USP39: variants seen among roughly 807,000 people sequenced by gnomAD.
USP39 encodes ubiquitin specific peptidase 39.
USP39 carries 38 observed loss-of-function variants against 66.4 expected under a neutral mutation model. The ratio of observed to expected loss-of-function variants is 0.57; its 90% CI spans 0.44 to 0.75. The LOEUF is 0.75. USP39 is among the 30% of genes least tolerant of loss of function. USP39 has a pLI of 0.00. For missense variants in USP39, 608 were observed against 714.4 expected (o/e 0.85, Z 1.70); for synonymous variants, 303 against 274.6 (o/e 1.10, Z -1.02).
chr2:85,633,818 C>T (rs1355325886), intron 6 of USP39, among the ~76,000 whole-genome samples: 3 of 144,792 alleles, frequency 2.1e-5, no homozygotes, highest in Non-Finnish European at 4.5e-5. Flanking sequence ...TTAGAGGGGA[C>T]GTCGAGTAGT....
chr2:85,629,127 G>C (rs546604559), intron 5 of USP39, among the ~76,000 whole-genome samples: 1 of 151,842 alleles, frequency 6.6e-6, no homozygotes, highest in African/African-American at 2.4e-5. Context: ...GCAATGGCGC[G>C]ATCTTGGCTC....
intron 5 of USP39, among the ~76,000 whole-genome samples, chr2:85,627,672 G>A (rs905313845): frequency 1.3e-5 from 2 of 151,928 alleles, no homozygotes; most frequent in Admixed American, 1.3e-4. Context: ...GTGCATGCAT[G>A]CCTGTGGTCC....
intron 6 of USP39, among the ~76,000 whole-genome samples, chr2:85,631,216 T>A (rs866805099): frequency 1.3e-5 from 2 of 152,050 alleles, no homozygotes; most frequent in South Asian, 4.1e-4. Flanking sequence ...GGTTTCACTA[T>A]GTTGGCCAGG....
At chr2:85,606,169 T>G (rs982931329) in intron 1 of USP39, among the ~76,000 whole-genome samples, 1 of 152,296 alleles carries the variant, frequency 6.6e-6, no homozygotes. Context: ...AGATTGTGTG[T>G]GTGTGCGCGT....
At chr2:85,605,783 C>T (rs896282211) in intron 1 of USP39, among the ~76,000 whole-genome samples, 2 of 152,190 alleles carry the variant, frequency 1.3e-5, no homozygotes, top group African/African-American at 4.8e-5. Flanking sequence ...GGGGTTCCTC[C>T]CACCTGGATG....
At chr2:85,631,438 T>C (rs1227107110) in intron 6 of USP39, among the ~76,000 whole-genome samples, 1 of 150,552 alleles carries the variant, frequency 6.6e-6, no homozygotes, top group Non-Finnish European at 1.5e-5. Context: ...TGCCTCAGCT[T>C]CAAGTAGCTA....
chr2:85,609,618 G>A (rs755385923), upstream of USP39: 3 of 1,610,330 alleles, frequency 1.9e-6, no homozygotes, highest in African/African-American at 1.3e-5. Flanking sequence ...AGAAAGAAGA[G>A]GGGGGGTGCT....
In USP39 at chr2:85,633,872, C is replaced by G. The variant is rs62166776; in HGVS notation, c.950-2181C>G. The stretch of plus-strand genomic sequence containing the variant: ...TTTTTTTTTGAGACAGAGTCTCGCT[C>G]TGTTGCCCAGGCTGGAGTGCAGTGG... On this transcript the variant is annotated intron_variant, in intron 6 of 12. Transcript: ENST00000323701. Among the ~76,000 whole-genome samples the G allele has an allele frequency of 2.6e-5, 3 of 116,454 alleles. No homozygotes were observed. In the East Asian group the frequency reaches 8.4e-4, roughly 32 times the overall value. 76.4% of individuals were successfully genotyped at this position (116,454 alleles called of 152,430 possible). A position where few individuals can be genotyped will look rare whatever the true frequency, so the allele number is the denominator to read the frequency against.
At chr2:85,618,820 A>C (rs1674215931) in intron 1 of USP39, among the ~76,000 whole-genome samples, 1 of 150,612 alleles carries the variant, frequency 6.6e-6, no homozygotes, top group African/African-American at 2.4e-5. Context: ...CCCAGGCTGG[A>C]GTGCAGCGGT....
chr2:85,614,046 AGT>A (rs1474725185), upstream of USP39, among the ~76,000 whole-genome samples: 1 of 151,910 alleles, frequency 6.6e-6, no homozygotes, highest in African/African-American at 2.4e-5. Flanking sequence ...TGGGATTATA[AGT>A]GTGAGCCACC....
At chr2:85,617,868 A>G (rs985057477) in intron 1 of USP39, among the ~76,000 whole-genome samples, 1 of 152,158 alleles carries the variant, frequency 6.6e-6, no homozygotes, top group African/African-American at 2.4e-5. Flanking sequence ...AAACTGTGAC[A>G]GGCTAACTTG....
At chr2:85,638,140 G>C (rs1490355767) in intron 8 of USP39, among the ~76,000 whole-genome samples, 2 of 152,016 alleles carry the variant, frequency 1.3e-5, no homozygotes, top group Non-Finnish European at 1.5e-5. Flanking sequence ...TCCTGCCTCA[G>C]CCTCCGAAGT....
At chr2:85,612,382 A>G (rs1243813869), upstream of USP39, 5 of 1,535,318 alleles carry the variant, frequency 3.3e-6, no homozygotes, top group Non-Finnish European at 3.5e-6. Context: ...TGTGCAATCC[A>G]TCGCCATCTG....
chr2:85,616,292 G>C lies in USP39; in HGVS notation c.97G>C (p.Asp33His). 1 of 1,566,538 alleles carries C rather than the reference G, an allele frequency of 6.4e-7. No homozygotes were observed. Among genetic ancestry groups the C allele is most frequent in the Non-Finnish European group, 8.7e-7 (1 of 1,153,954 alleles). ...GSSGRVKRER[D>H]REREPEAASS... The stretch of plus-strand genomic sequence containing the variant: ...CTCCGGTCGCGTCAAGCGGGAGCGA[G>C]ATCGGGAGCGGGAGCCTGAGGCGGC... The change falls in exon 1 of 13, where the codon GAT becomes CAT. Residue 33 changes from aspartate to histidine, a missense_variant. Asp to His is a moderately conservative substitution (Grantham distance 81). Around this residue, in one of 6 missense-constraint regions of USP39, gnomAD observed 207 missense variants for 145.7 expected, o/e 1.42. Coordinates refer to ENST00000323701, the MANE Select transcript of USP39 (RefSeq NM_006590.4).
chr2:85,608,768 A>G (rs982505998), upstream of USP39: 27 of 579,354 alleles, frequency 4.7e-5, no homozygotes, highest in East Asian at 3.1e-4. Context: ...GGGTCAACAT[A>G]TAAGAAAGAA....
chr2:85,612,478 G>T, upstream of USP39: 1 of 1,097,192 alleles, frequency 9.1e-7, no homozygotes, highest in Admixed American at 2.2e-5. Flanking sequence ...ACCTCAAATG[G>T]ATTGTGAGGC....
chr2:85,645,173 T>C, intron 11 of USP39, 90 bp downstream of exon 11: 1 of 1,562,414 alleles, frequency 6.4e-7, no homozygotes, highest in Non-Finnish European at 8.7e-7. Context: ...CAGTGTGTCC[T>C]TGCTTGGCCT....
At chr2:85,623,383 A>G (rs544611366) in intron 3 of USP39, among the ~76,000 whole-genome samples, 2 of 149,996 alleles carry the variant, frequency 1.3e-5, no homozygotes, top group African/African-American at 2.4e-5. Flanking sequence ...TATATTTTAC[A>G]TATATATTAA....
At chr2:85,633,986 C>T (rs1029983776) in intron 6 of USP39, among the ~76,000 whole-genome samples, 4 of 150,032 alleles carry the variant, frequency 2.7e-5, no homozygotes, top group African/African-American at 4.9e-5. Context: ...TACAGGCGCC[C>T]GCCACTACGC....
Sources: allele counts gnomAD v4.1 joint callset (sites outside exome capture counted in the v4.1 genomes callset), GRCh38; gene constraint gnomAD v4.1.1; regional missense constraint gnomAD v4.1.1; transcripts MANE v1.5; gene names NCBI Gene and HGNC (gene_info 2026-07-23, HGNC 2026-07-21).